POF1B: variants seen among roughly 807,000 people sequenced by gnomAD.
POF1B encodes the protein protein POF1B.
In POF1B, 53 loss-of-function variants were observed where a neutral mutation model predicts 55.3. The ratio of observed to expected loss-of-function variants is 0.96; its 90% CI spans 0.77 to 1.20. The LOEUF (loss-of-function observed/expected upper bound fraction) is 1.20, where lower values mean the gene tolerates loss of function less well. POF1B is among the 50% of genes most tolerant of loss of function. The probability of loss-of-function intolerance (pLI) is 0.00; values close to 1 mark genes in which losing one functional copy is unlikely to be tolerated. For synonymous variants in POF1B, 188 were observed against 148.3 expected (o/e 1.27, Z -1.95); for missense variants, 478 against 420.5 (o/e 1.14, Z -1.20).
At chrX:85,279,824 A>G (rs1452911337) in intron 16 of POF1B, among the ~76,000 whole-genome samples, 2 of 110,907 alleles carry the variant, frequency 1.8e-5, no homozygotes, top group African/African-American at 6.5e-5. Flanking sequence ...CACATTTTTA[A>G]TGGAGAGAGA....
At chrX:85,335,532 A>G (rs1933055380) in intron 6 of POF1B, among the ~76,000 whole-genome samples, 1 of 96,026 alleles carries the variant, frequency 1.0e-5, no homozygotes, top group Non-Finnish European at 2.0e-5. Context: ...AAAAATAAAT[A>G]ATTGGTCTCC....
chrX:85,282,550 C>T (rs1352314106), intron 15 of POF1B, among the ~76,000 whole-genome samples: 9 of 111,035 alleles, frequency 8.1e-5, no homozygotes, highest in Non-Finnish European at 1.3e-4. Context: ...CCATGATGGA[C>T]GACTGGCAGC....
At chrX:85,350,182 C>T (rs956770123) in intron 5 of POF1B, among the ~76,000 whole-genome samples, 3 of 109,000 alleles carry the variant, frequency 2.8e-5, no homozygotes, top group Non-Finnish European at 3.8e-5. Context: ...ATCCCTCCCC[C>T]GTCCCCCCAC....
intron 4 of POF1B, among the ~76,000 whole-genome samples, chrX:85,356,294 C>G (rs1296296705): frequency 9.9e-6 from 1 of 101,055 alleles, no homozygotes; most frequent in African/African-American, 3.7e-5. Context: ...GGGCATCACA[C>G]ACTGGGGCCT....
intron 2 of POF1B, among the ~76,000 whole-genome samples, chrX:85,376,319 G>C (rs1302465150): frequency 9.0e-6 from 1 of 111,512 alleles, no homozygotes; most frequent in African/African-American, 3.2e-5. Context: ...ATTTCATTTT[G>C]AGTTAATGAT....
At chrX:85,348,270 T>G (rs1933309170) in intron 5 of POF1B, among the ~76,000 whole-genome samples, 1 of 110,981 alleles carries the variant, frequency 9.0e-6, no homozygotes, top group Non-Finnish European at 1.9e-5. Flanking sequence ...TAAAGCAAAA[T>G]GTTCATATAT....
At chrX:85,361,528 G>A (rs928754912) in intron 3 of POF1B, among the ~76,000 whole-genome samples, 4 of 110,896 alleles carry the variant, frequency 3.6e-5, no homozygotes, top group African/African-American at 6.6e-5. Context: ...GTAGGTGTGC[G>A]GCCTTTTTTC....
rs768884578 is a variant in POF1B at position 85,296,896 on chromosome X, C to T, written c.1649+6510G>A. Reference sequence around the variant, plus strand: ...AATTAGTTTTAGGTTAGTCTTGTTACATAATCCCATATTTCTCAGAGGTTT... The same window carrying T: ...AATTAGTTTTAGGTTAGTCTTGTTATATAATCCCATATTTCTCAGAGGTTT... On this transcript the variant is annotated intron_variant, in intron 15 of 16. Transcript: ENST00000262753. Among the ~76,000 whole-genome samples the T allele has an allele frequency of 4.5e-5, 5 of 110,989 alleles. No homozygotes were observed. In the East Asian group the frequency reaches 1.4e-3, roughly 31 times the overall value.
chrX:85,326,526 G>A (rs751602745), intron 7 of POF1B, among the ~76,000 whole-genome samples: 5 of 109,943 alleles, frequency 4.5e-5, no homozygotes, highest in African/African-American at 1.3e-4. Context: ...CTCTGAGCCG[G>A]CGAATGCTCT....
At chrX:85,333,214 G>A (rs932680893) in intron 6 of POF1B, among the ~76,000 whole-genome samples, 9 of 110,244 alleles carry the variant, frequency 8.2e-5, no homozygotes, top group Middle Eastern at 4.7e-3. Context: ...TTCTTGTTGT[G>A]TATCCAAATC....
chrX:85,366,480 T>C (rs1332615530), intron 3 of POF1B, among the ~76,000 whole-genome samples: 1 of 111,473 alleles, frequency 9.0e-6, no homozygotes, highest in East Asian at 2.8e-4. Flanking sequence ...AGTTCTAAAA[T>C]TTACTACAAC....
chrX:85,333,056 T>G (rs1933006877), intron 6 of POF1B, among the ~76,000 whole-genome samples: 1 of 111,311 alleles, frequency 9.0e-6, no homozygotes, highest in South Asian at 3.7e-4. Flanking sequence ...TATAAAACCT[T>G]TAAATACTTA....
At chrX:85,366,366 T>C (rs1214980674) in intron 3 of POF1B, among the ~76,000 whole-genome samples, 1 of 111,462 alleles carries the variant, frequency 9.0e-6, no homozygotes, top group Non-Finnish European at 1.9e-5. Flanking sequence ...CTCAATTTTG[T>C]ATTTGAATGG....
intron 15 of POF1B, among the ~76,000 whole-genome samples, chrX:85,290,574 G>A (rs1366957439): frequency 8.9e-6 from 1 of 111,765 alleles, no homozygotes; most frequent in Non-Finnish European, 1.9e-5. Flanking sequence ...TACCAACAGT[G>A]CATTAGCATT....
At chrX:85,294,307 G>T (rs768660773) in intron 15 of POF1B, among the ~76,000 whole-genome samples, 1 of 111,922 alleles carries the variant, frequency 8.9e-6, no homozygotes, top group Non-Finnish European at 1.9e-5. Flanking sequence ...TTCTGAAGAA[G>T]AATGTTTCCA....
At chrX:85,317,230 G>A (rs1353753787) in intron 7 of POF1B, among the ~76,000 whole-genome samples, 1 of 108,875 alleles carries the variant, frequency 9.2e-6, no homozygotes, top group African/African-American at 3.3e-5. Context: ...TATTCCTTTG[G>A]GTATTGTTGA....
At chrX:85,320,414 C>A (rs908691181) in intron 7 of POF1B, among the ~76,000 whole-genome samples, 1 of 110,345 alleles carries the variant, frequency 9.1e-6, no homozygotes, top group African/African-American at 3.3e-5. Flanking sequence ...ACACAACATA[C>A]CAGAATCTCT....
intron 15 of POF1B, among the ~76,000 whole-genome samples, chrX:85,293,214 C>A (rs1160680970): frequency 8.9e-6 from 1 of 112,065 alleles, no homozygotes; most frequent in Admixed American, 9.5e-5. Flanking sequence ...TGTAAAGATG[C>A]ATTTATGCGT....
chrX:85,303,329 A>G, intron 15 of POF1B, 77 bp downstream of exon 15: 6 of 669,484 alleles, frequency 9.0e-6, no homozygotes, highest in Non-Finnish European at 1.1e-5. Flanking sequence ...TAGCTTGTAT[A>G]TACCAATTAA....
Sources: allele counts gnomAD v4.1 joint callset (sites outside exome capture counted in the v4.1 genomes callset), GRCh38; gene constraint gnomAD v4.1.1; transcripts MANE v1.5; gene names NCBI Gene and HGNC (gene_info 2026-07-23, HGNC 2026-07-21).